The following ZZEF1 variants were observed in gnomAD, a reference collection of about 807,000 sequenced individuals.
ZZEF1 encodes zinc finger ZZ-type and EF-hand domain-containing protein 1.
In ZZEF1, 157 loss-of-function variants were observed where a neutral mutation model predicts 342.8. The observed-to-expected ratio is 0.46, with a 90% CI of 0.40 to 0.52. The LOEUF (loss-of-function observed/expected upper bound fraction) is 0.52. Ranked by LOEUF, ZZEF1 falls within the 20% of genes least tolerant of loss-of-function variation. The probability of loss-of-function intolerance (pLI) is 0.00; values close to 1 mark genes in which losing one functional copy is unlikely to be tolerated. For missense variants in ZZEF1, 3,480 were observed against 3,725.6 expected (o/e 0.93, Z 1.72); for synonymous variants, 1,505 against 1,429.1 (o/e 1.05, Z -1.20).
At chr17:4,056,957 C>A (rs1180966676) in intron 32 of ZZEF1, 1 of 152,200 alleles carries the variant, frequency 6.6e-6, no homozygotes, top group Admixed American at 6.5e-5. Flanking sequence ...TCCATAATTT[C>A]AGTTTACAGC....
At chr17:4,116,749 A>C (rs1341763264) in intron 3 of ZZEF1, among the ~76,000 whole-genome samples, 1 of 152,214 alleles carries the variant, frequency 6.6e-6, no homozygotes, top group Non-Finnish European at 1.5e-5. Flanking sequence ...ATAAAGCGGA[A>C]AGGCATCCCT....
At chr17:4,132,962 T>C (rs541597672) in intron 1 of ZZEF1, among the ~76,000 whole-genome samples, 8 of 148,126 alleles carry the variant, frequency 5.4e-5, no homozygotes, top group Admixed American at 6.6e-5. Flanking sequence ...CGAGACTCCA[T>C]CTCAAAAAAA....
chr17:4,032,833 G>A lies in ZZEF1; in HGVS notation c.6754C>T (p.Pro2252Ser), dbSNP rs1228349278. Residue 2252 changes from proline to serine, a missense_variant, in exon 41 of 55, where the codon CCC (proline) becomes TCC (serine). Pro to Ser is a moderately conservative substitution (Grantham distance 74). Around this residue, in one of 5 missense-constraint regions of ZZEF1, gnomAD observed 1,269 missense variants for 1,342.4 expected, o/e 0.95. Coordinates refer to ENST00000381638, the MANE Select transcript of ZZEF1 (RefSeq NM_015113.4). ...AGGCCTTCAGAGTGTGGTACCTGGGGGAAGCCAACCAGCACGAGCAGGGTG... is the reference window on the plus strand; with the variant it reads ...AGGCCTTCAGAGTGTGGTACCTGGGAGAAGCCAACCAGCACGAGCAGGGTG... ...IFTLLVLVGF[P>S]QVLCVGTRCV... 3 of 1,613,978 alleles carry A rather than the reference G, an allele frequency of 1.9e-6. No individual in the cohort carries two copies. The highest frequency in any genetic ancestry group is 1.7e-5 in the Admixed American group (1 of 60,028).
Position 4,089,394 on chromosome 17 carries a change from G to C in ZZEF1, c.2026-501C>G, listed in dbSNP as rs76781273. 8.5e-3 allele frequency among the ~76,000 whole-genome samples: 1,288 copies of C among 152,262 alleles called. 15 individuals are homozygous for C. Among genetic ancestry groups the C allele is most frequent in the African/African-American group, 0.03 (1,230 of 41,542 alleles). On this transcript the variant is annotated intron_variant, in intron 12 of 54. Transcript: ENST00000381638. ...TTATGGTGAGCGCTCTTTGTTAAGG[G>C]CCTTTCAGAATACACTACTCAACTG...
At chr17:4,137,419 G>A (rs541347483) in intron 1 of ZZEF1, among the ~76,000 whole-genome samples, 1 of 152,150 alleles carries the variant, frequency 6.6e-6, no homozygotes, top group Non-Finnish European at 1.5e-5. Context: ...GACCATCCTG[G>A]CTAACACGGT....
At chr17:4,033,200 AC>A (rs1170040879) in intron 40 of ZZEF1, 198 bp from the exon 41 acceptor site, 2 of 518,266 alleles carry the variant, frequency 3.9e-6, no homozygotes, top group Non-Finnish European at 3.3e-6. Context: ...TTACATACTC[AC>A]CCTACGGCTG....
intron 39 of ZZEF1, among the ~76,000 whole-genome samples, chr17:4,041,970 T>C (rs2056813048): frequency 6.6e-6 from 1 of 152,076 alleles, no homozygotes; most frequent in Non-Finnish European, 1.5e-5. Flanking sequence ...CTATCAATGC[T>C]AAAAACTGTA....
At chr17:4,053,296 T>C (rs1453222819) in intron 34 of ZZEF1, among the ~76,000 whole-genome samples, 1 of 152,204 alleles carries the variant, frequency 6.6e-6, no homozygotes, top group Admixed American at 6.5e-5. Flanking sequence ...TGGGCAAACA[T>C]TTCAGCATGG....
chr17:4,086,243 T>C lies in ZZEF1; in HGVS notation c.2512+243A>G, dbSNP rs575638312. 4.6e-5 allele frequency among the ~76,000 whole-genome samples: 7 copies of C among 152,292 alleles called. No homozygotes were observed. In the South Asian group the frequency reaches 1.5e-3, roughly 32 times the overall value. Reference sequence around the variant, plus strand: ...GGAATAAATCCTGAACTCAAACTAGTAGCTCAAAAGAGCATCAGGGGAAAC... The same window carrying C: ...GGAATAAATCCTGAACTCAAACTAGCAGCTCAAAAGAGCATCAGGGGAAAC... On this transcript the variant is annotated intron_variant, in intron 15 of 54. Transcript: ENST00000381638.
Position 4,016,504 on chromosome 17 carries a change from G to C in ZZEF1, c.8002-38C>G, listed in dbSNP as rs752083329. ...AGACAGATAAGGTCAGGGCCTGCAA[G>C]TGGCATCAGGAAGAAGGGACAGTTT... is the stretch of plus-strand genomic sequence containing the variant. On this transcript the variant is annotated intron_variant, in intron 48 of 54. Coordinates refer to ENST00000381638, the MANE Select transcript of ZZEF1 (RefSeq NM_015113.4). This position sits in a 1 kb window ranked among gnomAD's most constrained non-coding sequence, Gnocchi z 4.4. 1 of 1,575,148 alleles carries C rather than the reference G, an allele frequency of 6.3e-7. No homozygotes were observed. Among genetic ancestry groups the C allele is most frequent in the South Asian group, 1.2e-5 (1 of 86,646 alleles).
intron 1 of ZZEF1, among the ~76,000 whole-genome samples, chr17:4,132,849 C>T (rs2058688942): frequency 1.3e-5 from 2 of 151,926 alleles, no homozygotes; most frequent in African/African-American, 4.8e-5. Flanking sequence ...GCCTGTAGTC[C>T]CAGCTACTCG....
At position 4,006,621 on chromosome 17, in the gene ZZEF1, G is replaced by A. The variant is rs1012910565; in HGVS notation, c.*269C>T. On this transcript the variant is annotated 3_prime_UTR_variant, in exon 55 of 55. Transcript: ENST00000381638. Reference sequence around the variant, plus strand: ...GCAGTGACAGCCTCTGGAGAAGGCTGGTCTCTGAACCTTCTTAAGGGCCCC... The same window carrying A: ...GCAGTGACAGCCTCTGGAGAAGGCTAGTCTCTGAACCTTCTTAAGGGCCCC... The A allele has an allele frequency of 2.0e-6, 1 of 493,706 alleles. No individual in the cohort carries two copies. Among genetic ancestry groups the A allele is most frequent in the Admixed American group, 3.4e-5 (1 of 29,088 alleles). 30.6% of individuals were successfully genotyped at this position (493,706 alleles called of 1,614,324 possible).
chr17:4,070,811 C>T lies in ZZEF1; in HGVS notation c.3948G>A (p.Gln1316=). 6.2e-7 allele frequency: 1 copy of T among 1,614,110 alleles called. No individual in the cohort carries two copies. Among genetic ancestry groups the T allele is most frequent in the Non-Finnish European group, 8.5e-7 (1 of 1,180,030 alleles). Reference sequence around the variant, plus strand: ...TCTTTGGGGCCTGTTTTCTACATGCCTGTATGAATCCTTTGAAAAGTTCTG... The same window carrying T: ...TCTTTGGGGCCTGTTTTCTACATGCTTGTATGAATCCTTTGAAAAGTTCTG... ...PYSELFKGFI[Q]ACRKQAPKTD... Residue 1316 remains glutamine (Q), a synonymous_variant, in exon 26 of 55, where the codon CAG becomes CAA. Transcript: ENST00000381638.
At chr17:4,081,335 A>C (rs1482873511) in intron 18 of ZZEF1, 41 bp downstream of exon 18, 3 of 1,556,744 alleles carry the variant, frequency 1.9e-6, no homozygotes, top group Non-Finnish European at 2.7e-6. Flanking sequence ...GTGCCCCCAC[A>C]AGCATGAGAC....
Position 4,005,137 on chromosome 17 carries a change from A to T in ZZEF1, c.*1753T>A, listed in dbSNP as rs556643762. On this transcript the variant is annotated 3_prime_UTR_variant, in exon 55 of 55. Transcript: ENST00000381638. Reference sequence around the variant, plus strand: ...AGCACGCAGCGGGGCCTCCCTCCCAAGCACTAAGACTTGTTTCCTGTGAGT... The same window carrying T: ...AGCACGCAGCGGGGCCTCCCTCCCATGCACTAAGACTTGTTTCCTGTGAGT... The T allele has an allele frequency of 6.6e-6, 1 of 152,468 alleles. No individual in the cohort carries two copies. The highest frequency in any genetic ancestry group is 2.1e-4 in the South Asian group (1 of 4,832). The allele number at this position is 152,468 out of a possible 1,614,324, so 9.4% of individuals were successfully genotyped here.
At chr17:4,124,142 T>A in intron 1 of ZZEF1, 91 bp from the exon 2 acceptor site, 1 of 1,424,730 alleles carries the variant, frequency 7.0e-7, no homozygotes, top group Non-Finnish European at 9.3e-7. Context: ...TCGAGACCGG[T>A]GATTTATTTA....
At chr17:4,022,943 C>CT (rs1417876488) in intron 43 of ZZEF1, 115 bp from the exon 44 acceptor site, 4 of 1,362,192 alleles carry the variant, frequency 2.9e-6, no homozygotes, top group Admixed American at 2.3e-5. Flanking sequence ...TCAACACATA[C>CT]TTTTGAATGA....
chr17:4,081,588 G>C, intron 17 of ZZEF1, 98 bp from the exon 18 acceptor site: 1 of 1,030,314 alleles, frequency 9.7e-7, no homozygotes, highest in Non-Finnish European at 1.4e-6. Context: ...AGGTTTCAGT[G>C]TCATTTCCAT....
At chr17:4,033,937 C>A (rs2056604251) in intron 40 of ZZEF1, 78 bp downstream of exon 40, 3 of 1,557,586 alleles carry the variant, frequency 1.9e-6, no homozygotes, top group Non-Finnish European at 1.7e-6. Context: ...TAATCAACAG[C>A]CAGACCTTCA....
Sources: gnomAD v4.1 joint callset for allele counts (sites outside exome capture counted in the v4.1 genomes callset) on GRCh38, gnomAD v4.1.1 for gene constraint, gnomAD v4.1.1 regional missense constraint, Gnocchi (gnomAD v3.1) non-coding constraint, MANE v1.5 for transcripts, NCBI Gene and HGNC (gene_info 2026-07-23, HGNC 2026-07-21) for gene names.